Variants in SLC25A48 observed in about 807,000 individuals in gnomAD.
SLC25A48 encodes CTC-321K16.1.
Under a neutral mutation model 32.2 loss-of-function variants are expected in SLC25A48, and 29 were observed. The ratio of observed to expected loss-of-function variants is 0.90; its 90% CI spans 0.67 to 1.23. The LOEUF (loss-of-function observed/expected upper bound fraction) is 1.23. Among genes scored for constraint, SLC25A48 ranks in the 50% most tolerant of loss-of-function variants. The pLI is 0.00. For missense variants in SLC25A48, 399 were observed against 422.7 expected, an observed-to-expected ratio of 0.94 and a Z score of 0.49; for synonymous variants, 164 against 172.3, an observed-to-expected ratio of 0.95 and a Z score of 0.38.
intron 6 of SLC25A48, chr5:135,874,863 G>C: frequency 6.1e-6 from 3 of 490,600 alleles, no homozygotes; most frequent in Non-Finnish European, 1.1e-5. Flanking sequence ...TTGCTTGCAC[G>C]GGCTCCTTGC....
intron 3 of SLC25A48, among the ~76,000 whole-genome samples, chr5:135,784,524 G>A (rs1365669402): frequency 8.5e-6 from 1 of 117,286 alleles, no homozygotes; most frequent in Non-Finnish European, 2.1e-5. Context: ...TATCAAAAAA[G>A]GGAGTTGATG....
At chr5:135,861,799 T>G (rs1760819019) in intron 4 of SLC25A48, among the ~76,000 whole-genome samples, 1 of 152,218 alleles carries the variant, frequency 6.6e-6, no homozygotes, top group Non-Finnish European at 1.5e-5. Context: ...GTACATATTG[T>G]GAAATTGTTA....
chr5:135,823,824 C>T (rs969178737), intron 4 of SLC25A48, among the ~76,000 whole-genome samples: 6 of 152,222 alleles, frequency 3.9e-5, no homozygotes, highest in South Asian at 2.1e-4. Context: ...GGAAGAGACT[C>T]TGGGCAGAAG....
At chr5:135,763,905 G>A (rs146056828) in intron 3 of SLC25A48, among the ~76,000 whole-genome samples, 47 of 152,144 alleles carry the variant, frequency 3.1e-4, no homozygotes, top group African/African-American at 1.1e-3. Flanking sequence ...ACAGATTCTC[G>A]CTCTGCCGCC....
intron 3 of SLC25A48, among the ~76,000 whole-genome samples, chr5:135,803,438 G>A (rs548608946): frequency 7.9e-5 from 12 of 151,802 alleles, no homozygotes; most frequent in Non-Finnish European, 1.6e-4. Flanking sequence ...TACACCCTGT[G>A]ATATTATTTT....
At chr5:135,815,839 A>G (rs1375368354) in intron 4 of SLC25A48, among the ~76,000 whole-genome samples, 1 of 152,198 alleles carries the variant, frequency 6.6e-6, no homozygotes, top group Non-Finnish European at 1.5e-5. Flanking sequence ...ACAGACTCAT[A>G]TTTTTATTTT....
At chr5:135,722,057 A>G (rs959429632) in intron 3 of SLC25A48, among the ~76,000 whole-genome samples, 2 of 152,330 alleles carry the variant, frequency 1.3e-5, no homozygotes, top group South Asian at 4.1e-4. Context: ...TCTGGACTCC[A>G]TGTTGTTGTG....
At chr5:135,877,794 G>C (rs1762164878) in intron 6 of SLC25A48, among the ~76,000 whole-genome samples, 1 of 152,170 alleles carries the variant, frequency 6.6e-6, no homozygotes, top group Admixed American at 6.5e-5. Context: ...CAAGTGCACA[G>C]AAGGTGAGGG....
At chr5:135,760,183 A>G (rs1756028754) in intron 3 of SLC25A48, among the ~76,000 whole-genome samples, 1 of 152,044 alleles carries the variant, frequency 6.6e-6, no homozygotes, top group African/African-American at 2.4e-5. Context: ...CTCTTGTTAT[A>G]CACTTTATTA....
chr5:135,727,251 T>TA (rs893836662), intron 3 of SLC25A48, among the ~76,000 whole-genome samples: 4 of 148,612 alleles, frequency 2.7e-5, no homozygotes, highest in East Asian at 2.0e-4. Context: ...TGTGTGATAG[T>TA]AAAAAAAACA....
At chr5:135,647,259 A>G (rs997980268) in intron 3 of SLC25A48, among the ~76,000 whole-genome samples, 17 of 152,212 alleles carry the variant, frequency 1.1e-4, no homozygotes, top group Admixed American at 9.8e-4. Flanking sequence ...TTTTATTTGG[A>G]TTTTACTAGG....
At chr5:135,768,321 A>G (rs569240023) in intron 3 of SLC25A48, among the ~76,000 whole-genome samples, 73 of 149,896 alleles carry the variant, frequency 4.9e-4, no homozygotes, top group Non-Finnish European at 1.0e-3. Flanking sequence ...GGATGATATT[A>G]CTCCCAATTT....
intron 2 of SLC25A48, among the ~76,000 whole-genome samples, chr5:135,846,925 A>G (rs1383890431): frequency 6.6e-6 from 1 of 152,240 alleles, no homozygotes; most frequent in Non-Finnish European, 1.5e-5. Flanking sequence ...TGATATTAAT[A>G]TGGGATGTAC....
At position 135,675,987 on chromosome 5, in the gene SLC25A48, T is replaced by C. The variant is rs79838437; in HGVS notation, c.-521+41031T>C. Among the ~76,000 whole-genome samples the C allele has an allele frequency of 5.8e-3, 887 of 152,094 alleles. 10 individuals are homozygous for C. The highest frequency in any genetic ancestry group is 0.01 in the Non-Finnish European group (686 of 67,832). On this transcript the variant is annotated intron_variant, in intron 3 of 10. Coordinates refer to the SLC25A48 transcript ENST00000646290. ...AGCTATTATAAATTGGATTGCCTTA[T>C]TGATTTCTTTCTTAGCTAGCTTATT... is the stretch of plus-strand genomic sequence containing the variant.
At position 135,772,953 on chromosome 5, in the gene SLC25A48, A is replaced by G. The variant is rs1486581757; in HGVS notation, c.-520-39570A>G. On this transcript the variant is annotated intron_variant, in intron 3 of 10. Coordinates refer to the SLC25A48 transcript ENST00000646290. ...AATGATATTACTCCCAATATTGCAGAAGGTGTACACCTCTCTGTGATATTG... is the reference window on the plus strand; with the variant it reads ...AATGATATTACTCCCAATATTGCAGGAGGTGTACACCTCTCTGTGATATTG... 2.0e-5 allele frequency among the ~76,000 whole-genome samples: 3 copies of G among 151,186 alleles called. No homozygotes were observed. In the South Asian group the frequency reaches 6.3e-4, roughly 32 times the overall value.
At chr5:135,697,435 G>A (rs1190022427) in intron 3 of SLC25A48, among the ~76,000 whole-genome samples, 2 of 152,214 alleles carry the variant, frequency 1.3e-5, no homozygotes, top group East Asian at 3.9e-4. Flanking sequence ...TGAGTCAAGG[G>A]CTGTCTGAGA....
Position 135,866,306 on chromosome 5 carries a change from G to A in SLC25A48, c.422-5155G>A, listed in dbSNP as rs566727832. Among the ~76,000 whole-genome samples the A allele has an allele frequency of 4.6e-5, 7 of 152,358 alleles. No homozygotes were observed. The East Asian group carries it at 9.6e-4, about 21-fold the overall frequency. On this transcript the variant is annotated intron_variant, in intron 4 of 7. Transcript: ENST00000681962. ...CCAGCCCTGCTCCCCTCAGTGGCCA[G>A]CCATTGTGTTTCTGCTGGCCTTACT...
At chr5:135,702,974 T>G (rs1014883919) in intron 3 of SLC25A48, among the ~76,000 whole-genome samples, 2 of 152,188 alleles carry the variant, frequency 1.3e-5, no homozygotes, top group Non-Finnish European at 2.9e-5. Flanking sequence ...GTACTTGAGC[T>G]TATTCATCAT....
chr5:135,749,880 C>G (rs1755730028), intron 3 of SLC25A48, among the ~76,000 whole-genome samples: 1 of 152,118 alleles, frequency 6.6e-6, no homozygotes, highest in Non-Finnish European at 1.5e-5. Context: ...GTGTGAGCCA[C>G]CTCGCCGGCC....
Sources: gnomAD v4.1 joint callset for allele counts (sites outside exome capture counted in the v4.1 genomes callset) on GRCh38, gnomAD v4.1.1 for gene constraint, MANE v1.5 for transcripts, NCBI Gene and HGNC (gene_info 2026-07-23, HGNC 2026-07-21) for gene names.